The following NKAIN2 variants were observed in gnomAD, a reference collection of about 807,000 sequenced individuals.
The protein encoded by NKAIN2 is sodium/potassium-transporting ATPase subunit beta-1-interacting protein 2.
NKAIN2 carries 14 observed loss-of-function variants against 32.6 expected under a neutral mutation model. The ratio of observed to expected loss-of-function variants is 0.43; its 90% CI spans 0.28 to 0.67. The LOEUF is 0.67. NKAIN2 is among the 30% of genes least tolerant of loss of function. The pLI, the probability that NKAIN2 is intolerant of heterozygous loss-of-function variation, is 0.17. For synonymous variants in NKAIN2, 80 were observed against 87.2 expected, an observed-to-expected ratio of 0.92 and a Z score of 0.46; for missense variants, 198 against 258.3, an observed-to-expected ratio of 0.77 and a Z score of 1.60.
chr6:124,242,712 A>G (rs1006631801), intron 1 of NKAIN2, among the ~76,000 whole-genome samples: 7 of 152,326 alleles, frequency 4.6e-5, no homozygotes, highest in Admixed American at 1.3e-4. Flanking sequence ...CTATGCAGCC[A>G]TAAAAAAGGA....
At chr6:123,909,728 A>G (rs976656642) in intron 1 of NKAIN2, among the ~76,000 whole-genome samples, 2 of 152,182 alleles carry the variant, frequency 1.3e-5, no homozygotes, top group African/African-American at 2.4e-5. Flanking sequence ...GGAAATATGA[A>G]CAGGACTTTT....
intron 3 of NKAIN2, among the ~76,000 whole-genome samples, chr6:124,453,549 AAAATATCCTTTCC>A (rs1362376360): frequency 6.8e-5 from 5 of 73,956 alleles, no homozygotes; most frequent in Non-Finnish European, 1.7e-4. Context: ...AAATGTTTCA[AAAATATCCTTTCC>A]AATATGCAGC....
At chr6:124,456,755 T>G (rs1776338138) in intron 3 of NKAIN2, among the ~76,000 whole-genome samples, 1 of 151,996 alleles carries the variant, frequency 6.6e-6, no homozygotes, top group Non-Finnish European at 1.5e-5. Context: ...TATGATATCT[T>G]TCATCCTCAT....
At chr6:124,399,173 T>C (rs1031640774) in intron 3 of NKAIN2, among the ~76,000 whole-genome samples, 4 of 152,158 alleles carry the variant, frequency 2.6e-5, no homozygotes, top group African/African-American at 9.6e-5. Context: ...GTGATCCACC[T>C]ACCTTGGACT....
intron 5 of NKAIN2, among the ~76,000 whole-genome samples, chr6:124,814,925 C>T (rs1340107920): frequency 6.6e-6 from 1 of 151,928 alleles, no homozygotes; most frequent in Non-Finnish European, 1.5e-5. Context: ...ATAATAATAA[C>T]AACAGCAGCA....
chr6:124,729,043 A>C (rs1776499853), intron 4 of NKAIN2, among the ~76,000 whole-genome samples: 1 of 150,602 alleles, frequency 6.6e-6, no homozygotes, highest in Non-Finnish European at 1.5e-5. Context: ...CAATAACAGG[A>C]TCTGAAATTG....
intron 3 of NKAIN2, among the ~76,000 whole-genome samples, chr6:124,589,050 A>AGCAAAAGGCAAAAG (rs1227563979): frequency 3.3e-5 from 5 of 152,204 alleles, no homozygotes; most frequent in Non-Finnish European, 7.4e-5. Context: ...ATCATTTAAA[A>AGCAAAAGGCAAAAG]GCAAAAGGCA....
chr6:124,006,039 CTGT>C (rs1780061066), intron 1 of NKAIN2, among the ~76,000 whole-genome samples: 1 of 152,148 alleles, frequency 6.6e-6, no homozygotes, highest in African/African-American at 2.4e-5. Context: ...GTACAAAATG[CTGT>C]TGTTATGCTA....
intron 4 of NKAIN2, among the ~76,000 whole-genome samples, chr6:124,673,119 T>C (rs1773187639): frequency 6.6e-6 from 1 of 152,074 alleles, no homozygotes; most frequent in South Asian, 2.1e-4. Flanking sequence ...TAGATAACTC[T>C]TGTTAAGTGG....
intron 1 of NKAIN2, among the ~76,000 whole-genome samples, chr6:123,969,035 A>G (rs1209582442): frequency 1.3e-5 from 2 of 152,034 alleles, no homozygotes; most frequent in Admixed American, 6.6e-5. Context: ...AGTTCTGACT[A>G]AATGTGATTT....
At chr6:124,015,162 T>C (rs1337507412) in intron 1 of NKAIN2, among the ~76,000 whole-genome samples, 2 of 152,164 alleles carry the variant, frequency 1.3e-5, no homozygotes, top group Non-Finnish European at 2.9e-5. Flanking sequence ...TCTTTGCATA[T>C]AGAATGCATA....
At chr6:124,474,322 G>T (rs1175892986) in intron 3 of NKAIN2, among the ~76,000 whole-genome samples, 1 of 152,062 alleles carries the variant, frequency 6.6e-6, no homozygotes, top group Admixed American at 6.6e-5. Context: ...TAAGAAATTG[G>T]TCAAAATCAG....
chr6:124,262,304 G>A lies in NKAIN2; in HGVS notation c.55-20701G>A, dbSNP rs191197947. Among the ~76,000 whole-genome samples the A allele has an allele frequency of 1.4e-4, 21 of 152,272 alleles. No homozygotes were observed. The East Asian group carries it at 4.1e-3, about 30-fold the overall frequency. Reference sequence around the variant, plus strand: ...TGGAAGAGCCCAAAGTCCAGTGGGGGAGAGAGACTTGAAAACTCATAATTG... The same window carrying A: ...TGGAAGAGCCCAAAGTCCAGTGGGGAAGAGAGACTTGAAAACTCATAATTG... On this transcript the variant is annotated intron_variant, in intron 1 of 6. Coordinates refer to ENST00000368417, the MANE Select transcript of NKAIN2 (RefSeq NM_001040214.3).
chr6:124,412,134 C>T (rs1266849720), intron 3 of NKAIN2, among the ~76,000 whole-genome samples: 3 of 152,098 alleles, frequency 2.0e-5, no homozygotes, highest in African/African-American at 7.2e-5. Context: ...GAACTTCCTC[C>T]TTTAGCTCGG....
chr6:124,604,538 T>C (rs962592077), intron 3 of NKAIN2, among the ~76,000 whole-genome samples: 43 of 151,854 alleles, frequency 2.8e-4, no homozygotes, highest in African/African-American at 9.9e-4. Flanking sequence ...TCAGAATAGA[T>C]GAATTTATTA....
rs1446079219 is a variant in NKAIN2 at position 124,162,202 on chromosome 6, G to C, written c.55-120803G>C. Reference sequence around the variant, plus strand: ...GAGAGATATGAGTGTATACCTGCAGGATTATGTAAGAATCAGTTGACATGA... The same window carrying C: ...GAGAGATATGAGTGTATACCTGCAGCATTATGTAAGAATCAGTTGACATGA... On this transcript the variant is annotated intron_variant, in intron 1 of 6. Coordinates refer to ENST00000368417, the MANE Select transcript of NKAIN2 (RefSeq NM_001040214.3). Among the ~76,000 whole-genome samples the C allele has an allele frequency of 3.9e-5, 6 of 151,978 alleles. No individual in the cohort carries two copies. In the East Asian group the frequency reaches 1.2e-3, roughly 29 times the overall value.
At chr6:124,284,242 T>A (rs965250577) in intron 2 of NKAIN2, among the ~76,000 whole-genome samples, 65 of 152,300 alleles carry the variant, frequency 4.3e-4, no homozygotes, top group African/African-American at 1.5e-3. Context: ...GCACAAGATA[T>A]GATAGTATTG....
intron 4 of NKAIN2, among the ~76,000 whole-genome samples, chr6:124,738,175 TA>T (rs1320667611): frequency 6.6e-6 from 1 of 151,880 alleles, no homozygotes; most frequent in African/African-American, 2.4e-5. Context: ...AAAGTAACAA[TA>T]ATATTACCTA....
chr6:124,506,302 C>T (rs1484345937), intron 3 of NKAIN2, among the ~76,000 whole-genome samples: 4 of 152,128 alleles, frequency 2.6e-5, no homozygotes, highest in East Asian at 1.9e-4. Context: ...TTATATTGCC[C>T]TATATCTGAA....
Sources: gnomAD v4.1 joint callset for allele counts (sites outside exome capture counted in the v4.1 genomes callset) on GRCh38, gnomAD v4.1.1 for gene constraint, MANE v1.5 for transcripts, NCBI Gene and HGNC (gene_info 2026-07-23, HGNC 2026-07-21) for gene names.